Variants in RORA observed in about 807,000 individuals in gnomAD.
The protein encoded by RORA is RAR related orphan receptor A.
In RORA, 7 loss-of-function variants were observed where a neutral mutation model predicts 69.5. That is an observed-to-expected ratio of 0.10 (90% CI 0.06 to 0.19). The LOEUF is 0.19. Among genes scored for constraint, RORA ranks in the 10% least tolerant of loss-of-function variants. The pLI is 1.00. For synonymous variants in RORA, 261 were observed against 240.8 expected, an observed-to-expected ratio of 1.08 and a Z score of -0.78; for missense variants, 457 against 663.0, an observed-to-expected ratio of 0.69 and a Z score of 3.41.
rs1170694185 is a variant in RORA at position 61,229,198 on chromosome 15, G to T, written c.21C>A (p.Ala7=). The change falls in exon 1 of 11, where the codon GCC becomes GCA. Residue 7 remains alanine (A), a synonymous_variant. Coordinates refer to ENST00000335670, the MANE Select transcript of RORA (RefSeq NM_134261.3). ...CTGGCTCGCTGGCGGCGGGGTCGGG[G>T]GCTGCCGGAGCTGACTCCATGTTTT... MESAPA[A]PDPAASEPGS... The T allele has an allele frequency of 3.9e-6, 6 of 1,546,986 alleles. No individual in the cohort carries two copies. The African/African-American group carries it at 5.6e-5, about 14-fold the overall frequency.
Position 60,819,497 on chromosome 15 carries a change from C to A in RORA, c.167-140811G>T, listed in dbSNP as rs192637926. On this transcript the variant is annotated intron_variant, in intron 1 of 10. Coordinates refer to ENST00000335670, the MANE Select transcript of RORA (RefSeq NM_134261.3). ...AAAGGGAAGGGAGAGAACTAAAAAC[C>A]TATCAGTGATTCAATCAGAAAATGC... 1.7e-4 allele frequency among the ~76,000 whole-genome samples: 26 copies of A among 152,196 alleles called. No homozygotes were observed. In the East Asian group the frequency reaches 4.8e-3, roughly 28 times the overall value.
chr15:61,125,647 C>A (rs964921893), intron 1 of RORA, among the ~76,000 whole-genome samples: 54 of 152,260 alleles, frequency 3.5e-4, no homozygotes, highest in African/African-American at 1.3e-3. Flanking sequence ...TGAACTAATT[C>A]TTTTTAAAAA....
At chr15:61,204,417 G>C (rs1267338120) in intron 1 of RORA, among the ~76,000 whole-genome samples, 1 of 152,174 alleles carries the variant, frequency 6.6e-6, no homozygotes, top group Non-Finnish European at 1.5e-5. Flanking sequence ...AATCAACACA[G>C]GTATAAGGGA....
At chr15:60,516,269 A>T (rs1232538290) in intron 3 of RORA, among the ~76,000 whole-genome samples, 3 of 90,838 alleles carry the variant, frequency 3.3e-5, no homozygotes, top group East Asian at 2.7e-4. Context: ...ATATTTATAT[A>T]TTTTTTTTGG....
At position 60,962,925 on chromosome 15, in the gene RORA, G is replaced by A. The variant is rs536593788; in HGVS notation, c.166+266128C>T. ...GAGATTGGGAAGACAACATGGAGGTGGTACCATTTGTGGTCATGAAAAATA... is the reference window on the plus strand; with the variant it reads ...GAGATTGGGAAGACAACATGGAGGTAGTACCATTTGTGGTCATGAAAAATA... On this transcript the variant is annotated intron_variant, in intron 1 of 10. Transcript: ENST00000335670. Among the ~76,000 whole-genome samples, 14 of 152,308 alleles carry A rather than the reference G, an allele frequency of 9.2e-5. No individual in the cohort carries two copies. The South Asian group carries it at 2.9e-3, about 32-fold the overall frequency.
chr15:61,071,600 AGGG>A (rs2078362435), intron 1 of RORA, among the ~76,000 whole-genome samples: 1 of 20,154 alleles, frequency 5.0e-5, no homozygotes, highest in Non-Finnish European at 8.7e-5. Context: ...TGGGGAGGGG[AGGG>A]GAGGGGTGGG....
intron 1 of RORA, among the ~76,000 whole-genome samples, chr15:60,886,472 A>T (rs1441916586): frequency 2.6e-5 from 4 of 152,190 alleles, no homozygotes; most frequent in African/African-American, 9.7e-5. Flanking sequence ...AAAGGCCCGA[A>T]TTCCATGCCT....
intron 2 of RORA, among the ~76,000 whole-genome samples, chr15:60,631,628 A>C (rs2069738573): frequency 6.8e-6 from 1 of 147,812 alleles, no homozygotes; most frequent in Non-Finnish European, 1.5e-5. Context: ...TAGAATACTG[A>C]AAAAAAAAAT....
intron 2 of RORA, among the ~76,000 whole-genome samples, chr15:60,561,670 CTA>C (rs2067564307): frequency 6.6e-6 from 1 of 151,926 alleles, no homozygotes; most frequent in African/African-American, 2.4e-5. Flanking sequence ...GGGTCAAGAA[CTA>C]TAGAAGGAAA....
chr15:60,994,694 A>C (rs1894474701), intron 1 of RORA, among the ~76,000 whole-genome samples: 2 of 152,264 alleles, frequency 1.3e-5, no homozygotes, highest in South Asian at 4.1e-4. Context: ...AAGTGGTCCA[A>C]GAGCGGGGAA....
chr15:60,764,818 C>T (rs1301965236), intron 1 of RORA: 1 of 152,212 alleles, frequency 6.6e-6, no homozygotes, highest in African/African-American at 2.4e-5. Flanking sequence ...AACCACATTG[C>T]TTTATGATCG....
At chr15:60,935,191 G>C (rs771924706) in intron 1 of RORA, among the ~76,000 whole-genome samples, 20 of 152,208 alleles carry the variant, frequency 1.3e-4, no homozygotes, top group Non-Finnish European at 2.5e-4. Context: ...TGAAGAATTG[G>C]CTTGCCAACC....
chr15:61,057,012 T>G (rs1357635345), intron 1 of RORA, among the ~76,000 whole-genome samples: 1 of 152,224 alleles, frequency 6.6e-6, no homozygotes, highest in Non-Finnish European at 1.5e-5. Flanking sequence ...TTAGTGAATC[T>G]TTCACATTCA....
At chr15:60,646,195 G>T (rs755083229) in intron 2 of RORA, among the ~76,000 whole-genome samples, 12 of 152,148 alleles carry the variant, frequency 7.9e-5, no homozygotes, top group Non-Finnish European at 7.3e-5. Context: ...TTGAATATGG[G>T]GGTAAACTCT....
intron 2 of RORA, among the ~76,000 whole-genome samples, chr15:60,584,500 C>T (rs2068275770): frequency 6.6e-6 from 1 of 152,192 alleles, no homozygotes; most frequent in African/African-American, 2.4e-5. Context: ...GCAGCCTTCT[C>T]TGACTAAGTG....
intron 1 of RORA, among the ~76,000 whole-genome samples, chr15:61,112,745 G>A (rs116974388): frequency 1.8e-4 from 27 of 152,302 alleles, no homozygotes; most frequent in East Asian, 1.2e-3. Context: ...TGTGAAAATC[G>A]TTCCCAGACA....
chr15:60,611,589 A>AAAAAAAAAAAT (rs2069091475), intron 2 of RORA, among the ~76,000 whole-genome samples: 1 of 146,490 alleles, frequency 6.8e-6, no homozygotes, highest in East Asian at 2.0e-4. Context: ...AAAAAAAAAA[A>AAAAAAAAAAAT]GGTGGAGTCT....
At chr15:61,035,955 G>A (rs1896438478) in intron 1 of RORA, among the ~76,000 whole-genome samples, 1 of 152,158 alleles carries the variant, frequency 6.6e-6, no homozygotes, top group Non-Finnish European at 1.5e-5. Context: ...AATGCTAAGA[G>A]GGAATGGTAT....
At chr15:61,189,664 T>C (rs1307119352) in intron 1 of RORA, among the ~76,000 whole-genome samples, 2 of 152,014 alleles carry the variant, frequency 1.3e-5, no homozygotes, top group East Asian at 1.9e-4. Flanking sequence ...AAGACCATCC[T>C]GGCTAACACG....
Sources: allele counts gnomAD v4.1 joint callset (sites outside exome capture counted in the v4.1 genomes callset), GRCh38; gene constraint gnomAD v4.1.1; transcripts MANE v1.5; gene names NCBI Gene and HGNC (gene_info 2026-07-23, HGNC 2026-07-21).